YBX1: variants seen among roughly 807,000 people sequenced by gnomAD.
YBX1 encodes Y-box-binding protein 1.
In YBX1, 3 loss-of-function variants were observed where a neutral mutation model predicts 41.4. The ratio of observed to expected loss-of-function variants is 0.07; its 90% CI spans 0.03 to 0.19. The LOEUF (loss-of-function observed/expected upper bound fraction) is 0.19. Ranked by LOEUF, YBX1 falls within the 10% of genes least tolerant of loss-of-function variation. The pLI is 1.00. For missense variants in YBX1, 274 were observed against 462.8 expected (o/e 0.59, Z 3.74); for synonymous variants, 133 against 165.8 (o/e 0.80, Z 1.52).
intron 2 of YBX1, among the ~76,000 whole-genome samples, chr1:42,688,821 G>T (rs3895305): frequency 0.3 from 45,245 of 152,050 alleles, 6,917 homozygotes; most frequent in Non-Finnish European, 0.32. Flanking sequence ...TACACTTACC[G>T]TATCGATAAG....
chr1:42,688,429 G>C (rs1650249571), intron 2 of YBX1, among the ~76,000 whole-genome samples: 1 of 141,278 alleles, frequency 7.1e-6, no homozygotes, highest in South Asian at 2.3e-4. Flanking sequence ...GCCATTTGCA[G>C]TTGAGAAATG....
intron 2 of YBX1, among the ~76,000 whole-genome samples, chr1:42,691,301 C>A (rs1265266148): frequency 6.6e-6 from 1 of 152,144 alleles, no homozygotes; most frequent in Non-Finnish European, 1.5e-5. Context: ...TATGTACCCA[C>A]AAAACACCTC....
At chr1:42,699,674 A>T (rs1650546794) in intron 6 of YBX1, among the ~76,000 whole-genome samples, 1 of 151,912 alleles carries the variant, frequency 6.6e-6, no homozygotes, top group Non-Finnish European at 1.5e-5. Flanking sequence ...TTACTCAAGC[A>T]GTCTTGAACT....
chr1:42,682,776 G>C, intron 1 of YBX1, 45 bp downstream of exon 1: 1 of 1,170,776 alleles, frequency 8.5e-7, no homozygotes, highest in Non-Finnish European at 1.1e-6. Context: ...GGGCAGCCCA[G>C]CAGCGGAACC....
chr1:42,697,922 G>C (rs1418079592), intron 6 of YBX1, among the ~76,000 whole-genome samples: 1 of 152,140 alleles, frequency 6.6e-6, no homozygotes, highest in Non-Finnish European at 1.5e-5. Context: ...TGGTAGGATA[G>C]GATGGTGTAA....
chr1:42,692,008 G>A (rs1215912403), intron 2 of YBX1, among the ~76,000 whole-genome samples: 2 of 152,022 alleles, frequency 1.3e-5, no homozygotes, highest in East Asian at 1.9e-4. Context: ...ACACAGCCAC[G>A]CCTGGCTAAT....
In YBX1 at chr1:42,696,529, T is replaced by TTC; in HGVS notation, c.355-112_355-111dup. On this transcript the variant is annotated intron_variant, in intron 4 of 7. Coordinates refer to ENST00000321358, the MANE Select transcript of YBX1 (RefSeq NM_004559.5). The surrounding 1 kb of genome is among the most constrained non-coding windows in gnomAD (Gnocchi z 5.7). Reference sequence around the variant, plus strand: ...CAGTTGCGCCCCCCCCCCCTTTTTTTTCCTTAACTTTGTTGTTTTTTGCTT... The same window carrying TTC: ...CAGTTGCGCCCCCCCCCCCTTTTTTTTCTCCTTAACTTTGTTGTTTTTTGCTT... The TTC allele has an allele frequency of 1.8e-6, 1 of 550,188 alleles. No homozygotes were observed. The highest frequency in any genetic ancestry group is 2.9e-6 in the Non-Finnish European group (1 of 349,606). 34.1% of individuals were successfully genotyped at this position (550,188 alleles called of 1,614,324 possible).
intron 6 of YBX1, among the ~76,000 whole-genome samples, chr1:42,698,597 A>T (rs537898899): frequency 3.0e-4 from 45 of 152,308 alleles, no homozygotes; most frequent in Admixed American, 1.1e-3. Flanking sequence ...TAAAAATAGC[A>T]TAATTTTGTG....
chr1:42,690,882 GGGA>G (rs1217603096), intron 2 of YBX1, among the ~76,000 whole-genome samples: 3 of 152,164 alleles, frequency 2.0e-5, no homozygotes, highest in Non-Finnish European at 4.4e-5. Flanking sequence ...TAGTAGATGG[GGGA>G]GCTAGAGCTT....
chr1:42,690,560 A>C (rs752158279), intron 2 of YBX1, among the ~76,000 whole-genome samples: 1 of 152,172 alleles, frequency 6.6e-6, no homozygotes, highest in Non-Finnish European at 1.5e-5. Context: ...GTGACCTGCA[A>C]ATCTAATTGT....
At position 42,696,379 on chromosome 1, in the gene YBX1, A is replaced by G. The variant is rs1570422365; in HGVS notation, c.354+91A>G. The G allele has an allele frequency of 7.4e-7, 1 of 1,358,142 alleles. No homozygotes were observed. Among genetic ancestry groups the G allele is most frequent in the Non-Finnish European group, 1.0e-6 (1 of 973,096 alleles). The allele number at this position is 1,358,142 out of a possible 1,614,324, so 84.1% of individuals were successfully genotyped here. On this transcript the variant is annotated intron_variant, in intron 4 of 7. Transcript: ENST00000321358. The surrounding 1 kb of genome is among the most constrained non-coding windows in gnomAD (Gnocchi z 5.7). ...AGGATGGTGGCTCTAATGTGGATGG[A>G]TGTGTTCAGGTGACCTCATGAACAC...
At position 42,696,897 on chromosome 1, in the gene YBX1, C is replaced by T. The variant is rs985238395; in HGVS notation, c.610C>T (p.Arg204Cys). 7 of 1,575,048 alleles carry T rather than the reference C, an allele frequency of 4.4e-6. No individual in the cohort carries two copies. The highest frequency in any genetic ancestry group is 5.2e-6 in the Non-Finnish European group (6 of 1,159,350). ...TTACTACATGCGGAGACCCTATGGG[C>T]GTCGACCACAGTATTCCAACCCTCC... The part of the protein sequence containing the change: ...PPYYMRRPYG[R>C]RPQYSNPPVQ... The change falls in exon 5 of 8, where the codon CGT (arginine) becomes TGT (cysteine). Residue 204 changes from arginine to cysteine, a missense_variant. Physicochemically the swap from Arg to Cys is radical, Grantham distance 180. This residue lies in a region of YBX1 where 187 missense variants were observed against 306.3 expected (regional missense o/e 0.61). Coordinates refer to ENST00000321358, the MANE Select transcript of YBX1 (RefSeq NM_004559.5). The surrounding 1 kb of genome is among the most constrained non-coding windows in gnomAD (Gnocchi z 5.7).
chr1:42,701,143 A>C (rs534985759), intron 7 of YBX1, 97 bp downstream of exon 7: 16 of 811,898 alleles, frequency 2.0e-5, no homozygotes, highest in Non-Finnish European at 2.7e-5. Flanking sequence ...GTTCCATCAG[A>C]TAATGAAAGC....
In YBX1 at chr1:42,683,436, A is replaced by G. The variant is rs1650110946; in HGVS notation, c.200A>G (p.Asn67Ser). 4 of 1,614,150 alleles carry G rather than the reference A, an allele frequency of 2.5e-6. No homozygotes were observed. The highest frequency in any genetic ancestry group is 1.1e-5 in the South Asian group (1 of 91,086). Reference protein sequence around the residue: ...TKVLGTVKWFNVRNGYGFINR... With the variant: ...TKVLGTVKWFSVRNGYGFINR... Reference sequence around the variant, plus strand: ...GTTTTGGGAACAGTAAAATGGTTCAATGTAAGGAACGGATATGGTTTCATC... The same window carrying G: ...GTTTTGGGAACAGTAAAATGGTTCAGTGTAAGGAACGGATATGGTTTCATC... The change falls in exon 2 of 8, where the codon AAT (asparagine) becomes AGT (serine). Residue 67 changes from asparagine to serine, a missense_variant. This residue lies in a region of YBX1 where 84 missense variants were observed against 130.8 expected (regional missense o/e 0.64). Coordinates refer to ENST00000321358, the MANE Select transcript of YBX1 (RefSeq NM_004559.5).
chr1:42,689,917 C>G (rs1483742023), intron 2 of YBX1, among the ~76,000 whole-genome samples: 2 of 151,996 alleles, frequency 1.3e-5, no homozygotes, highest in Non-Finnish European at 2.9e-5. Context: ...ATAGTAAATG[C>G]CCAATAAATA....
intron 1 of YBX1, 131 bp from the exon 2 acceptor site, chr1:42,683,272 G>T: frequency 1.9e-6 from 2 of 1,073,068 alleles, no homozygotes; most frequent in Admixed American, 1.8e-5. Flanking sequence ...CCCCGCACCC[G>T]GGCGGTGGAG....
Position 42,683,386 on chromosome 1 carries a change from T to A in YBX1, c.167-17T>A, listed in dbSNP as rs778965770. 4 of 1,614,198 alleles carry A rather than the reference T, an allele frequency of 2.5e-6. No homozygotes were observed. In the South Asian group the frequency reaches 4.4e-5, roughly 18 times the overall value. On this transcript the variant is annotated splice_polypyrimidine_tract_variant and intron_variant, in intron 1 of 7. Transcript: ENST00000321358. Reference sequence around the variant, plus strand: ...AGCTGGTAATCGTGGCTTGTTTTGCTTTGTTTTCTTTTCCAGCAACGAAGG... The same window carrying A: ...AGCTGGTAATCGTGGCTTGTTTTGCATTGTTTTCTTTTCCAGCAACGAAGG...
rs1271154223 is a variant in YBX1, at chr1:42,694,031, GT to G, written c.264+522del. ...TTAAATCACTTTGAATGGGTATTGG[GT>G]TTTTTTTTTTTTTAAACCTTTGGAG... is the stretch of plus-strand genomic sequence containing the variant. On this transcript the variant is annotated intron_variant, in intron 3 of 7. Coordinates refer to ENST00000321358, the MANE Select transcript of YBX1 (RefSeq NM_004559.5). 5.1e-3 allele frequency among the ~76,000 whole-genome samples: 735 copies of G among 145,412 alleles called. 3 individuals are homozygous for G. Among genetic ancestry groups the G allele is most frequent in the African/African-American group, 0.015 (595 of 39,738 alleles).
chr1:42,693,483 C>A lies in YBX1; in HGVS notation c.231-7C>A, dbSNP rs563091938. The stretch of plus-strand genomic sequence containing the variant: ...TCTAACTTGTTCAACTTGGTTCTGT[C>A]TTGCAGGAATGACACCAAGGAAGAT... On this transcript the variant is annotated splice_polypyrimidine_tract_variant and splice_region_variant and intron_variant, in intron 2 of 7. Coordinates refer to ENST00000321358, the MANE Select transcript of YBX1 (RefSeq NM_004559.5). 16 of 1,613,466 alleles carry A rather than the reference C, an allele frequency of 9.9e-6. No individual in the cohort carries two copies. The East Asian group carries it at 3.1e-4, about 31-fold the overall frequency.
Sources: gnomAD v4.1 joint callset for allele counts (sites outside exome capture counted in the v4.1 genomes callset) on GRCh38, gnomAD v4.1.1 for gene constraint, gnomAD v4.1.1 regional missense constraint, Gnocchi (gnomAD v3.1) non-coding constraint, MANE v1.5 for transcripts, NCBI Gene and HGNC (gene_info 2026-07-23, HGNC 2026-07-21) for gene names.